ZMYND8: variants seen among roughly 807,000 people sequenced by gnomAD.
ZMYND8 encodes zinc finger MYND-type containing 8.
ZMYND8 carries 37 observed loss-of-function variants against 140.8 expected under a neutral mutation model. The ratio of observed to expected loss-of-function variants is 0.26; its 90% confidence interval spans 0.20 to 0.35. The LOEUF is 0.35. Among genes scored for constraint, ZMYND8 ranks in the 10% least tolerant of loss-of-function variants. The pLI, the probability that ZMYND8 is intolerant of heterozygous loss-of-function variation, is 1.00. For missense variants in ZMYND8, 1,068 were observed against 1,570.0 expected (o/e 0.68, Z 5.40); for synonymous variants, 592 against 597.1 (o/e 0.99, Z 0.12).
intron 21 of ZMYND8, among the ~76,000 whole-genome samples, chr20:47,217,261 G>A (rs1346848887): frequency 1.3e-5 from 2 of 152,180 alleles, no homozygotes; most frequent in East Asian, 3.9e-4. Flanking sequence ...ACGCACAAGT[G>A]CCATTACTCA....
chr20:47,249,208 G>T, intron 13 of ZMYND8, 79 bp downstream of exon 13: 1 of 1,514,786 alleles, frequency 6.6e-7, no homozygotes, highest in Non-Finnish European at 8.9e-7. Context: ...ATTCAACCTT[G>T]ATTTCATCCA....
chr20:47,339,922 A>G (rs1330861937), intron 2 of ZMYND8, among the ~76,000 whole-genome samples: 2 of 151,640 alleles, frequency 1.3e-5, no homozygotes, highest in Non-Finnish European at 2.9e-5. Context: ...AGAACCAGGA[A>G]ATCTGGCTCT....
intron 2 of ZMYND8, chr20:47,318,450 A>G (rs770998902): frequency 5.9e-6 from 2 of 337,388 alleles, no homozygotes; most frequent in Non-Finnish European, 1.2e-5. Context: ...GCCCTCCCCA[A>G]CCAGTAATTA....
intron 12 of ZMYND8, among the ~76,000 whole-genome samples, chr20:47,257,068 T>A (rs2074790388): frequency 6.6e-6 from 1 of 152,152 alleles, no homozygotes; most frequent in Non-Finnish European, 1.5e-5. Context: ...CTCATTCCTA[T>A]TTATGACTTA....
At chr20:47,232,557 A>G (rs1010694159) in intron 16 of ZMYND8, among the ~76,000 whole-genome samples, 1 of 152,106 alleles carries the variant, frequency 6.6e-6, no homozygotes, top group Admixed American at 6.6e-5. Flanking sequence ...TAATTTTTTA[A>G]AGAACAAAGG....
At chr20:47,259,891 C>T (rs895833036) in intron 12 of ZMYND8, among the ~76,000 whole-genome samples, 1 of 152,168 alleles carries the variant, frequency 6.6e-6, no homozygotes, top group Non-Finnish European at 1.5e-5. Flanking sequence ...AACCCAATCC[C>T]ACGTACACGT....
Position 47,262,397 on chromosome 20 carries a change from T to A in ZMYND8, c.1512A>T (p.Ala504=). 8 of 1,614,000 alleles carry A rather than the reference T, an allele frequency of 5.0e-6. No homozygotes were observed. Among genetic ancestry groups the A allele is most frequent in the Non-Finnish European group, 6.8e-6 (8 of 1,180,002 alleles). Residue 504 remains alanine, a synonymous_variant, in exon 12 of 23, where the codon GCA becomes GCT. Transcript: ENST00000471951. The part of the protein sequence containing the change: ...ASPASTKTGQ[A]GSLSGSPKPF... ...GCTTTGGGCTGCCGGATAAACTCCC[T>A]GCTTGTCCCGTCTTGGTGGAGGCTG...
intron 22 of ZMYND8, among the ~76,000 whole-genome samples, 167 bp from the exon 23 acceptor site, chr20:47,211,064 AGAAAGGTAGAAC>A (rs765417112): frequency 1.9e-4 from 29 of 152,236 alleles, no homozygotes; most frequent in Non-Finnish European, 2.8e-4. Context: ...TCTGTAGAAC[AGAAAGGTAGAAC>A]AACTTATTTT....
chr20:47,263,830 G>A (rs979215732), intron 11 of ZMYND8, among the ~76,000 whole-genome samples: 2 of 152,166 alleles, frequency 1.3e-5, no homozygotes, highest in African/African-American at 4.8e-5. Flanking sequence ...ACAGTGCCTG[G>A]CATGCAGTAA....
In ZMYND8 at chr20:47,306,343, G is replaced by C. The variant is rs992771661; in HGVS notation, c.234+3713C>G. 2.0e-5 allele frequency among the ~76,000 whole-genome samples: 3 copies of C among 152,134 alleles called. No homozygotes were observed. In the East Asian group the frequency reaches 5.8e-4, roughly 30 times the overall value. On this transcript the variant is annotated intron_variant, in intron 3 of 22. Coordinates refer to ENST00000471951, the MANE Select transcript of ZMYND8 (RefSeq NM_001281775.3). ...CGGGGAGGTCGAGCCTGCAGAGCCG[G>C]GGAGGTTGAGGTTGCAGTAAGCTGT...
chr20:47,287,414 G>A, intron 7 of ZMYND8, 130 bp from the exon 8 acceptor site: 1 of 753,814 alleles, frequency 1.3e-6, no homozygotes, highest in East Asian at 2.7e-5. Context: ...GCTAAAACCA[G>A]AGGTTCCTGG....
chr20:47,313,382 G>A (rs1024287468), intron 2 of ZMYND8, among the ~76,000 whole-genome samples: 17 of 152,270 alleles, frequency 1.1e-4, no homozygotes, highest in African/African-American at 3.4e-4. Context: ...CAGCACTTTG[G>A]GAGGCCAAGG....
chr20:47,326,617 T>C (rs1399107031), intron 2 of ZMYND8, among the ~76,000 whole-genome samples: 1 of 152,168 alleles, frequency 6.6e-6, no homozygotes, highest in African/African-American at 2.4e-5. Context: ...CCTCCGTAGA[T>C]CCTCAGTCTC....
chr20:47,217,603 A>T (rs1245200275), intron 21 of ZMYND8, among the ~76,000 whole-genome samples: 1 of 137,386 alleles, frequency 7.3e-6, no homozygotes, highest in Non-Finnish European at 1.7e-5. Context: ...TCAAAGCATG[A>T]GTCTGGAGAG....
chr20:47,212,885 G>A (rs529966789), intron 21 of ZMYND8, among the ~76,000 whole-genome samples, 160 bp from the exon 22 acceptor site: 1 of 152,304 alleles, frequency 6.6e-6, no homozygotes, highest in South Asian at 2.1e-4. Flanking sequence ...GCAAGCACAG[G>A]AGACTAAGTC....
intron 1 of ZMYND8, chr20:47,354,116 G>A (rs2083020396): frequency 6.6e-6 from 1 of 152,020 alleles, no homozygotes; most frequent in Non-Finnish European, 1.5e-5. Context: ...TACTTTGAAA[G>A]CAATTAACTT....
At chr20:47,220,983 G>C (rs1034557689) in intron 20 of ZMYND8, among the ~76,000 whole-genome samples, 7 of 152,114 alleles carry the variant, frequency 4.6e-5, no homozygotes, top group African/African-American at 1.7e-4. Flanking sequence ...GGTCACACTA[G>C]CTGCATTTCA....
intron 4 of ZMYND8, 78 bp from the exon 5 acceptor site, chr20:47,294,857 A>T: frequency 7.3e-7 from 1 of 1,368,424 alleles, no homozygotes; most frequent in South Asian, 1.2e-5. Flanking sequence ...CTATTTTTTC[A>T]GTCAACTGAC....
intron 4 of ZMYND8, among the ~76,000 whole-genome samples, chr20:47,295,175 T>C (rs573628244): frequency 6.6e-6 from 1 of 152,296 alleles, no homozygotes; most frequent in South Asian, 2.1e-4. Flanking sequence ...GGTAGATTGC[T>C]TGAGCCCCAG....
Sources: allele counts gnomAD v4.1 joint callset (sites outside exome capture counted in the v4.1 genomes callset), GRCh38; gene constraint gnomAD v4.1.1; transcripts MANE v1.5; gene names NCBI Gene and HGNC (gene_info 2026-07-23, HGNC 2026-07-21).